Variants in NBR1 observed in about 807,000 individuals in gnomAD.
The protein encoded by NBR1 is next to BRCA1 gene 1 protein.
In NBR1, 59 loss-of-function variants were observed where a neutral mutation model predicts 115.5. That is an observed-to-expected ratio of 0.51 (90% CI 0.41 to 0.63). The LOEUF is 0.63. Among genes scored for constraint, NBR1 ranks in the 30% least tolerant of loss-of-function variants. NBR1 has a pLI of 0.00. For missense variants in NBR1, 1,043 were observed against 1,150.5 expected (o/e 0.91, Z 1.35); for synonymous variants, 373 against 414.7 (o/e 0.90, Z 1.22).
intron 5 of NBR1, among the ~76,000 whole-genome samples, chr17:43,182,834 G>A (rs572403730): frequency 1.6e-4 from 24 of 151,620 alleles, no homozygotes; most frequent in Admixed American, 5.9e-4. Context: ...TGCGATCTTG[G>A]CTACCAGCAG....
chr17:43,186,510 A>G, intron 6 of NBR1, 66 bp downstream of exon 6: 2 of 1,281,490 alleles, frequency 1.6e-6, no homozygotes, highest in South Asian at 1.9e-5. Flanking sequence ...AAAGCTGAAC[A>G]GGTTTCTTTA....
At position 43,197,411 on chromosome 17, in the gene NBR1, C is replaced by T. The variant is rs186064285; in HGVS notation, c.2026+305C>T. Among the ~76,000 whole-genome samples, 1,015 of 151,676 alleles carry T rather than the reference C, an allele frequency of 6.7e-3. 10 individuals carry two copies. The highest frequency in any genetic ancestry group is 0.023 in the African/African-American group (958 of 41,350). ...GCGGGTGCCTGTAGTCCCAGCTACT[C>T]GGGAGGCTGAGGCAGGAGAATGGCA... On this transcript the variant is annotated intron_variant, in intron 16 of 20. Transcript: ENST00000590996.
In NBR1 at chr17:43,209,578, T is replaced by C. The variant is rs2057378647; in HGVS notation, c.2728-323T>C. Reference sequence around the variant, plus strand: ...ACAGGGTCTCTGGGGCTTGCTGTCATTCCTTCATCTGGCCAAAAAATGCTT... The same window carrying C: ...ACAGGGTCTCTGGGGCTTGCTGTCACTCCTTCATCTGGCCAAAAAATGCTT... On this transcript the variant is annotated intron_variant, in intron 20 of 20. Transcript: ENST00000590996. 4.6e-6 allele frequency: 7 copies of C among 1,535,364 alleles called. No homozygotes were observed. The South Asian group carries it at 8.3e-5, about 18-fold the overall frequency.
At position 43,193,127 on chromosome 17, in the gene NBR1, A is replaced by G. The variant is rs1216511033; in HGVS notation, c.1107A>G (p.Pro369=). 1 of 1,613,988 alleles carries G rather than the reference A, an allele frequency of 6.2e-7. No individual in the cohort carries two copies. Among genetic ancestry groups the G allele is most frequent in the Non-Finnish European group, 8.5e-7 (1 of 1,179,878 alleles). Residue 369 remains proline (P), a synonymous_variant, in exon 11 of 21, where the codon CCA becomes CCG. Transcript: ENST00000590996. ...LPLQPCTSVM[P]MLSAAFVDEN... The stretch of plus-strand genomic sequence containing the variant: ...TGCAGCCCTGTACCTCCGTTATGCC[A>G]ATGCTCAGTGCAGCATTTGTGGATG...
At position 43,194,934 on chromosome 17, in the gene NBR1, C is replaced by T. The variant is rs200391733; in HGVS notation, c.1675-30C>T. 2,538 of 1,592,130 alleles carry T rather than the reference C, an allele frequency of 1.6e-3. 3 individuals carry two copies. Among genetic ancestry groups the T allele is most frequent in the Non-Finnish European group, 2.0e-3 (2,363 of 1,162,138 alleles). On this transcript the variant is annotated intron_variant, in intron 13 of 20. Transcript: ENST00000590996. ...CAAGACATGGCTCCAGCATGCACTC[C>T]AAACAGCCTAACATTGTCTTTTTTT... is the stretch of plus-strand genomic sequence containing the variant.
chr17:43,194,852 C>G (rs1469544577), intron 13 of NBR1, 112 bp from the exon 14 acceptor site: 1 of 772,966 alleles, frequency 1.3e-6, no homozygotes, highest in East Asian at 2.7e-5. Flanking sequence ...TGGGGACAGG[C>G]ATGAATTTGA....
At chr17:43,175,715 G>A (rs2056497722) in intron 1 of NBR1, 76 bp from the exon 2 acceptor site, 2 of 670,580 alleles carry the variant, frequency 3.0e-6, no homozygotes, top group Admixed American at 3.0e-5. Context: ...TATTTGCTGA[G>A]TGAACTTTTA....
intron 9 of NBR1, 131 bp downstream of exon 9, chr17:43,190,907 C>A: frequency 1.1e-6 from 1 of 909,316 alleles, no homozygotes; most frequent in Non-Finnish European, 1.6e-6. Context: ...ATAATGAAGA[C>A]AGTTATCCAA....
At chr17:43,172,273 A>G (rs1288704267) in intron 1 of NBR1, among the ~76,000 whole-genome samples, 2 of 152,220 alleles carry the variant, frequency 1.3e-5, no homozygotes, top group Non-Finnish European at 2.9e-5. Flanking sequence ...ATTTTTTTAC[A>G]TGTCAGCCAA....
In NBR1 at chr17:43,190,647, C is replaced by T. The variant is rs369956999; in HGVS notation, c.734C>T (p.Ala245Val). 28 of 1,606,946 alleles carry T rather than the reference C, an allele frequency of 1.7e-5. No homozygotes were observed. Among genetic ancestry groups the T allele is most frequent in the Admixed American group, 3.4e-5 (2 of 58,422 alleles). The change falls in exon 9 of 21, where the codon GCA becomes GTA. Residue 245 changes from alanine to valine, a missense_variant. Ala to Val is a moderately conservative substitution (Grantham distance 64). Coordinates refer to ENST00000590996, the MANE Select transcript of NBR1 (RefSeq NM_005899.5). ...TACAATATCTGTGAAGATTGTGAAG[C>T]AGGGCCATATGGCCATGACACTAAC... is the stretch of plus-strand genomic sequence containing the variant. ...PSYNICEDCE[A>V]GPYGHDTNHV...
chr17:43,209,759 A>G, intron 20 of NBR1, 142 bp from the exon 21 acceptor site: 1 of 1,488,674 alleles, frequency 6.7e-7, no homozygotes. Context: ...CAGGAGTGCC[A>G]TAGCCTTGAA....
At chr17:43,202,221 T>A (rs997950484) in intron 18 of NBR1, among the ~76,000 whole-genome samples, 3 of 149,510 alleles carry the variant, frequency 2.0e-5, no homozygotes, top group African/African-American at 4.9e-5. Context: ...CTCTCCATGC[T>A]CCTCCTGCAT....
chr17:43,175,481 G>A (rs570457733), intron 1 of NBR1, among the ~76,000 whole-genome samples: 2 of 152,314 alleles, frequency 1.3e-5, no homozygotes, highest in Admixed American at 6.5e-5. Flanking sequence ...AATACTTTCA[G>A]CATACTTCTG....
chr17:43,209,474 C>A, intron 20 of NBR1: 1 of 1,163,724 alleles, frequency 8.6e-7, no homozygotes, highest in Non-Finnish European at 1.2e-6. Context: ...GCATATCTGA[C>A]AAAATTTCCC....
rs1307045419 is a variant in NBR1 at position 43,193,133 on chromosome 17, C to T, written c.1113C>T (p.Leu371=). The change falls in exon 11 of 21, where the codon CTC becomes CTT. Residue 371 remains leucine, a synonymous_variant. Coordinates refer to ENST00000590996, the MANE Select transcript of NBR1 (RefSeq NM_005899.5). ...LQPCTSVMPM[L]SAAFVDENLP... is the part of the protein sequence containing the mutation. ...CCTGTACCTCCGTTATGCCAATGCT[C>T]AGTGCAGCATTTGTGGATGAGAATT... The T allele has an allele frequency of 8.1e-6, 13 of 1,613,944 alleles. No individual in the cohort carries two copies. Among genetic ancestry groups the T allele is most frequent in the Non-Finnish European group, 1.0e-5 (12 of 1,179,872 alleles).
At chr17:43,189,276 C>G (rs1567854385) in intron 7 of NBR1, among the ~76,000 whole-genome samples, 157 bp downstream of exon 7, 1 of 152,172 alleles carries the variant, frequency 6.6e-6, no homozygotes, top group Non-Finnish European at 1.5e-5. Flanking sequence ...GTCGAGAAAG[C>G]TCTAACCTTT....
At chr17:43,208,382 C>T (rs2057356115) in intron 20 of NBR1, among the ~76,000 whole-genome samples, 1 of 152,040 alleles carries the variant, frequency 6.6e-6, no homozygotes, top group Non-Finnish European at 1.5e-5. Flanking sequence ...CATTAACCTG[C>T]AAAGGAGGAT....
chr17:43,202,111 C>T (rs895154963), intron 18 of NBR1, among the ~76,000 whole-genome samples: 6 of 137,178 alleles, frequency 4.4e-5, no homozygotes, highest in Admixed American at 2.5e-4. Context: ...ACCTGGGAGG[C>T]GGAGGTTGGA....
Position 43,210,181 on chromosome 17 carries a change from T to A in NBR1, c.*107T>A. The A allele has an allele frequency of 9.5e-7, 1 of 1,047,584 alleles. No individual in the cohort carries two copies. The highest frequency in any genetic ancestry group is 1.3e-6 in the Non-Finnish European group (1 of 763,780). The allele number at this position is 1,047,584 out of a possible 1,614,324, so 64.9% of individuals were successfully genotyped here. A position where few individuals can be genotyped will look rare whatever the true frequency, so the allele number is the denominator to read the frequency against. On this transcript the variant is annotated 3_prime_UTR_variant, in exon 21 of 21. Transcript: ENST00000590996. ...GCTTATTTTTAATCTGATGAATCTGTATAGAGCCCATCGTTGAGTTACCAA... is the reference window on the plus strand; with the variant it reads ...GCTTATTTTTAATCTGATGAATCTGAATAGAGCCCATCGTTGAGTTACCAA...
Sources: gnomAD v4.1 joint callset for allele counts (sites outside exome capture counted in the v4.1 genomes callset) on GRCh38, gnomAD v4.1.1 for gene constraint, MANE v1.5 for transcripts, NCBI Gene and HGNC (gene_info 2026-07-23, HGNC 2026-07-21) for gene names.